Variants in FGGY observed in about 807,000 individuals in gnomAD.
FGGY encodes the protein FGGY carbohydrate kinase domain-containing protein.
A neutral mutation model predicts 71.3 loss-of-function variants in FGGY; 72 were observed. That is an observed-to-expected ratio of 1.01 (90% CI 0.84 to 1.23). The LOEUF (loss-of-function observed/expected upper bound fraction) is 1.23. Among genes scored for constraint, FGGY ranks in the 50% most tolerant of loss-of-function variants. FGGY has a pLI of 0.00. For missense variants in FGGY, 668 were observed against 682.3 expected (o/e 0.98, Z 0.23); for synonymous variants, 251 against 250.3 (o/e 1.00, Z -0.02).
chr1:59,490,082 A>G (rs2093778977), intron 6 of FGGY, among the ~76,000 whole-genome samples: 1 of 152,064 alleles, frequency 6.6e-6, no homozygotes, highest in Non-Finnish European at 1.5e-5. Flanking sequence ...ACGGGATTTC[A>G]CTGTGTTGCC....
At chr1:59,486,364 G>A (rs1480515127) in intron 6 of FGGY, among the ~76,000 whole-genome samples, 1 of 152,180 alleles carries the variant, frequency 6.6e-6, no homozygotes, top group Non-Finnish European at 1.5e-5. Flanking sequence ...AGTGCCCTGT[G>A]AGCAGGCAGA....
At chr1:59,465,504 C>T (rs2153532072) in intron 6 of FGGY, among the ~76,000 whole-genome samples, 1 of 152,218 alleles carries the variant, frequency 6.6e-6, no homozygotes, top group East Asian at 1.9e-4. Context: ...AAGTTCTGGC[C>T]AGGGCAGTCA....
intron 14 of FGGY, among the ~76,000 whole-genome samples, chr1:59,689,081 G>A (rs147883993): frequency 6.6e-6 from 1 of 152,174 alleles, no homozygotes; most frequent in African/African-American, 2.4e-5. Context: ...GGGGAGAAAG[G>A]CCAGGTACCC....
intron 6 of FGGY, among the ~76,000 whole-genome samples, chr1:59,471,948 G>T (rs1226574413): frequency 3.3e-5 from 5 of 152,248 alleles, no homozygotes; most frequent in African/African-American, 4.8e-5. Context: ...TGGAGTGGTA[G>T]TGAGAAGTGA....
intron 8 of FGGY, among the ~76,000 whole-genome samples, chr1:59,571,820 G>A (rs1282691414): frequency 6.6e-6 from 1 of 152,162 alleles, no homozygotes; most frequent in Admixed American, 6.6e-5. Context: ...ACAATTTTAA[G>A]TGGAAGAAAC....
Position 59,607,656 on chromosome 1 carries a change from G to A in FGGY, c.904-147G>A, listed in dbSNP as rs1425146122. 3.6e-5 allele frequency: 20 copies of A among 549,694 alleles called. No individual in the cohort carries two copies. In the Admixed American group the frequency reaches 4.4e-4, roughly 12 times the overall value. 34.1% of individuals were successfully genotyped at this position (549,694 alleles called of 1,614,324 possible). A position where few individuals can be genotyped will look rare whatever the true frequency, so the allele number is the denominator to read the frequency against. ...GAAAGTTTCTAAAAAAAGGAGCCAT[G>A]GCCTTTCTTGGGAGAGAGTGACTTC... On this transcript the variant is annotated intron_variant, in intron 8 of 15. Coordinates refer to ENST00000303721, the MANE Select transcript of FGGY (RefSeq NM_018291.5).
chr1:59,622,189 C>T (rs2096816452), intron 9 of FGGY, among the ~76,000 whole-genome samples: 2 of 151,988 alleles, frequency 1.3e-5, no homozygotes, highest in Admixed American at 6.6e-5. Flanking sequence ...TTTGCTGTTT[C>T]CTCTCTGTTT....
intron 14 of FGGY, among the ~76,000 whole-genome samples, chr1:59,688,751 ATTTT>A (rs11286707): frequency 7.3e-6 from 1 of 137,184 alleles, no homozygotes. Flanking sequence ...GTTTTTTAGA[ATTTT>A]TTTTTTTTTT....
At chr1:59,592,260 G>C (rs1225102371) in intron 8 of FGGY, among the ~76,000 whole-genome samples, 2 of 152,052 alleles carry the variant, frequency 1.3e-5, no homozygotes, top group Non-Finnish European at 1.5e-5. Context: ...AGTTAGAATG[G>C]CAGTCATTAA....
At chr1:59,369,049 CAGACAGTGGGCGCA>C (rs2057073370) in intron 4 of FGGY, among the ~76,000 whole-genome samples, 2 of 152,288 alleles carry the variant, frequency 1.3e-5, no homozygotes, top group African/African-American at 4.8e-5. Context: ...TAGGGAGTGC[CAGACAGTGGGCGCA>C]GGTCAGTGGG....
At position 59,680,064 on chromosome 1, in the gene FGGY, G is replaced by A. The variant is rs188399709; in HGVS notation, c.1512+5931G>A. ...CATCAGTAGTGTCTGAAAACTCAGG[G>A]TTTACATTTCTTGTATATAAGGAAT... is the stretch of plus-strand genomic sequence containing the variant. On this transcript the variant is annotated intron_variant, in intron 14 of 15. Transcript: ENST00000303721. 3.3e-5 allele frequency among the ~76,000 whole-genome samples: 5 copies of A among 152,210 alleles called. No homozygotes were observed. In the East Asian group the frequency reaches 7.7e-4, roughly 23 times the overall value.
chr1:59,427,110 T>C (rs143884915), intron 5 of FGGY, among the ~76,000 whole-genome samples: 53 of 152,296 alleles, frequency 3.5e-4, no homozygotes, highest in African/African-American at 1.2e-3. Flanking sequence ...CAAAAAAGGT[T>C]TTCAATTCTC....
intron 4 of FGGY, among the ~76,000 whole-genome samples, chr1:59,374,242 A>G (rs1370211945): frequency 6.6e-6 from 1 of 152,256 alleles, no homozygotes; most frequent in Non-Finnish European, 1.5e-5. Context: ...AAGTGGGTGC[A>G]GGACATGAAC....
intron 12 of FGGY, among the ~76,000 whole-genome samples, chr1:59,666,455 T>TA: frequency 6.6e-6 from 1 of 152,306 alleles, no homozygotes; most frequent in African/African-American, 2.4e-5. Flanking sequence ...TCAAGTAAAT[T>TA]AAGATTTTTC....
chr1:59,369,931 GA>G (rs1407517302), intron 4 of FGGY, among the ~76,000 whole-genome samples: 1 of 152,092 alleles, frequency 6.6e-6, no homozygotes, highest in Non-Finnish European at 1.5e-5. Context: ...CATCATCAAA[GA>G]CCAAAAGTAG....
In FGGY at chr1:59,618,414, C is replaced by T. The variant is rs2096777926; in HGVS notation, c.1012-7574C>T. On this transcript the variant is annotated intron_variant, in intron 9 of 15. Coordinates refer to ENST00000303721, the MANE Select transcript of FGGY (RefSeq NM_018291.5). ...ATCTTACAGTTATAAGTAGGAGAGCCACAATGCAAACCCAAGCTGGCCACC... is the reference window on the plus strand; with the variant it reads ...ATCTTACAGTTATAAGTAGGAGAGCTACAATGCAAACCCAAGCTGGCCACC... Among the ~76,000 whole-genome samples the T allele has an allele frequency of 3.9e-5, 6 of 152,140 alleles. 1 individual carries two copies. In the South Asian group the frequency reaches 1.2e-3, roughly 31 times the overall value.
intron 8 of FGGY, among the ~76,000 whole-genome samples, chr1:59,590,378 A>AC: frequency 6.6e-6 from 1 of 152,244 alleles, no homozygotes; most frequent in Non-Finnish European, 1.5e-5. Context: ...AAGTGGTACC[A>AC]TTCCTTCTGA....
chr1:59,602,124 A>T (rs1040188664), intron 8 of FGGY, among the ~76,000 whole-genome samples: 3 of 152,234 alleles, frequency 2.0e-5, no homozygotes, highest in African/African-American at 7.2e-5. Flanking sequence ...CAAAAGAGAT[A>T]TTAAATATTT....
At chr1:59,544,704 T>C (rs1417332015) in intron 7 of FGGY, among the ~76,000 whole-genome samples, 1 of 152,112 alleles carries the variant, frequency 6.6e-6, no homozygotes, top group Non-Finnish European at 1.5e-5. Flanking sequence ...GTGAGAAAAG[T>C]GAGTTTCGAA....
Sources: gnomAD v4.1 joint callset for allele counts (sites outside exome capture counted in the v4.1 genomes callset) on GRCh38, gnomAD v4.1.1 for gene constraint, MANE v1.5 for transcripts, NCBI Gene and HGNC (gene_info 2026-07-23, HGNC 2026-07-21) for gene names.